ATP2B1: variants seen among roughly 807,000 people sequenced by gnomAD.
The protein encoded by ATP2B1 is plasma membrane calcium-transporting ATPase 1.
In ATP2B1, 14 loss-of-function variants were observed where a neutral mutation model predicts 124.2. That is an observed-to-expected ratio of 0.11 (90% CI 0.07 to 0.18). The LOEUF (loss-of-function observed/expected upper bound fraction) is 0.18. Among genes scored for constraint, ATP2B1 ranks in the 10% least tolerant of loss-of-function variants. ATP2B1 has a pLI of 1.00. For missense variants in ATP2B1, 763 were observed against 1,466.1 expected (o/e 0.52, Z 7.83); for synonymous variants, 449 against 492.4 (o/e 0.91, Z 1.17).
intron 5 of ATP2B1, among the ~76,000 whole-genome samples, chr12:89,632,404 C>T (rs1020381227): frequency 6.6e-6 from 1 of 152,118 alleles, no homozygotes; most frequent in Admixed American, 6.6e-5. Flanking sequence ...TTGATTATTT[C>T]ACTAGTTATT....
chr12:89,672,089 G>A (rs1888066070), intron 1 of ATP2B1, among the ~76,000 whole-genome samples: 1 of 152,118 alleles, frequency 6.6e-6, no homozygotes, highest in Admixed American at 6.6e-5. Context: ...TTCTAATTCT[G>A]ACTCTGCTGT....
At chr12:89,616,759 G>C (rs1229314800) in intron 12 of ATP2B1, 43 bp downstream of exon 12, 1 of 1,561,612 alleles carries the variant, frequency 6.4e-7, no homozygotes, top group Non-Finnish European at 8.8e-7. Flanking sequence ...GTCCTCTATA[G>C]TTATGAGATT....
chr12:89,599,784 A>C (rs918948543), intron 19 of ATP2B1, among the ~76,000 whole-genome samples: 1 of 152,212 alleles, frequency 6.6e-6, no homozygotes, highest in African/African-American at 2.4e-5. Context: ...TTTTTTTAAA[A>C]TGCAACAGTT....
chr12:89,610,263 A>G (rs1292004930), intron 14 of ATP2B1, among the ~76,000 whole-genome samples, 158 bp downstream of exon 14: 2 of 152,226 alleles, frequency 1.3e-5, no homozygotes, highest in Non-Finnish European at 2.9e-5. Context: ...TCACTTAACA[A>G]CACAATTTAC....
rs77394379 is a variant in ATP2B1 at position 89,607,546 on chromosome 12, C to T, written c.2442+2391G>A. Among the ~76,000 whole-genome samples the T allele has an allele frequency of 7.7e-3, 1,168 of 152,206 alleles. 34 individuals carry two copies. Among genetic ancestry groups the T allele is most frequent in the Admixed American group, 0.062 (940 of 15,284 alleles). ...AACACAGTCTCAATATTTGGAGTCC[C>T]GCATTAATCCAAATAAAATTTAAAT... On this transcript the variant is annotated intron_variant, in intron 15 of 20. Coordinates refer to ENST00000428670, the MANE Select transcript of ATP2B1 (RefSeq NM_001366521.1).
At chr12:89,678,103 A>G (rs2136604256) in intron 1 of ATP2B1, among the ~76,000 whole-genome samples, 1 of 151,608 alleles carries the variant, frequency 6.6e-6, no homozygotes, top group Non-Finnish European at 1.5e-5. Flanking sequence ...CTACTTAACA[A>G]AAGATTTTTA....
chr12:89,615,391 A>G (rs547998860), intron 12 of ATP2B1, among the ~76,000 whole-genome samples: 19 of 152,288 alleles, frequency 1.2e-4, no homozygotes, highest in Middle Eastern at 3.4e-3. Context: ...CTATGAGAAC[A>G]GGGACCAAGT....
intron 1 of ATP2B1, among the ~76,000 whole-genome samples, chr12:89,661,757 T>C (rs1471766854): frequency 1.3e-5 from 2 of 152,330 alleles, no homozygotes; most frequent in South Asian, 4.1e-4. Flanking sequence ...TCTTTGTGTG[T>C]GTTTTTTTCT....
rs1036660571 is a variant in ATP2B1, at chr12:89,656,029, G to A, written c.-143C>T. 2.5e-6 allele frequency: 2 copies of A among 807,158 alleles called. No homozygotes were observed. Among genetic ancestry groups the A allele is most frequent in the Admixed American group, 3.1e-5 (1 of 32,048 alleles). 50.0% of individuals were successfully genotyped at this position (807,158 alleles called of 1,614,324 possible). On this transcript the variant is annotated 5_prime_UTR_variant, in exon 2 of 21. Transcript: ENST00000428670. ...TGTATGACTTTGTAAAGCAGCATCA[G>A]CAGCAACATTTCCCAGAGAAGTATC...
At chr12:89,627,853 C>T (rs1881143814) in intron 6 of ATP2B1, 137 bp from the exon 7 acceptor site, 5 of 926,592 alleles carry the variant, frequency 5.4e-6, no homozygotes, top group Non-Finnish European at 6.6e-6. Flanking sequence ...AAACATTTGA[C>T]TTGTGATGAC....
At chr12:89,694,002 T>C (rs1037347492) in intron 1 of ATP2B1, among the ~76,000 whole-genome samples, 5 of 152,186 alleles carry the variant, frequency 3.3e-5, no homozygotes, top group African/African-American at 4.8e-5. Context: ...GCATTCCAGA[T>C]AGCGATTAGT....
intron 20 of ATP2B1, 65 bp downstream of exon 20, chr12:89,599,052 C>T: frequency 6.5e-7 from 1 of 1,548,214 alleles, no homozygotes; most frequent in Non-Finnish European, 8.7e-7. Flanking sequence ...CACACTCGAA[C>T]CTCCTCCCCA....
At chr12:89,674,356 T>C (rs897415796) in intron 1 of ATP2B1, among the ~76,000 whole-genome samples, 7 of 147,900 alleles carry the variant, frequency 4.7e-5, no homozygotes, top group African/African-American at 1.5e-4. Context: ...CCTTTTAGAA[T>C]TGGCAAAAAA....
rs558731899 is a variant in ATP2B1, at chr12:89,642,925, G to GT, written c.209-571dup. Among the ~76,000 whole-genome samples the GT allele has an allele frequency of 6.2e-4, 94 of 151,978 alleles. No homozygotes were observed. The East Asian group carries it at 7.0e-3, about 11-fold the overall frequency. On this transcript the variant is annotated intron_variant, in intron 2 of 20. Transcript: ENST00000428670. ...TGGCCAGAACTGCTTATTTCTGATC[G>GT]TACTATCCTATACCATCTTGTAGAT... is the stretch of plus-strand genomic sequence containing the variant.
rs145992951 is a variant in ATP2B1 at position 89,650,350 on chromosome 12, A to T, written c.208+5329T>A. ...CTGCAAATTTAAGAGACACTGTTCT[A>T]AAGTCAAACTTACACATTCTTTCCC... On this transcript the variant is annotated intron_variant, in intron 2 of 20. Coordinates refer to ENST00000428670, the MANE Select transcript of ATP2B1 (RefSeq NM_001366521.1). 4.5e-3 allele frequency among the ~76,000 whole-genome samples: 690 copies of T among 152,344 alleles called. 2 individuals carry two copies. Among genetic ancestry groups the T allele is most frequent in the African/African-American group, 0.015 (644 of 41,572 alleles).
At chr12:89,636,516 A>G (rs530562563) in intron 3 of ATP2B1, among the ~76,000 whole-genome samples, 1 of 152,314 alleles carries the variant, frequency 6.6e-6, no homozygotes, top group East Asian at 1.9e-4. Context: ...GAAATGTCTG[A>G]AAGCCATTGG....
intron 1 of ATP2B1, among the ~76,000 whole-genome samples, chr12:89,687,818 T>C (rs972853003): frequency 6.6e-6 from 1 of 152,100 alleles, no homozygotes; most frequent in African/African-American, 2.4e-5. Flanking sequence ...AAACAAAATA[T>C]ATTTCATATA....
At chr12:89,650,292 C>T (rs1461493926) in intron 2 of ATP2B1, among the ~76,000 whole-genome samples, 3 of 152,168 alleles carry the variant, frequency 2.0e-5, no homozygotes, top group African/African-American at 7.2e-5. Context: ...ATGATTTTCT[C>T]AATTTCAAAA....
At chr12:89,611,622 G>A (rs1878038143) in intron 12 of ATP2B1, 3 of 337,798 alleles carry the variant, frequency 8.9e-6, no homozygotes, top group African/African-American at 2.1e-5. Flanking sequence ...TTTGTTTGCA[G>A]TATTTATTTA....
Sources: gnomAD v4.1 joint callset for allele counts (sites outside exome capture counted in the v4.1 genomes callset) on GRCh38, gnomAD v4.1.1 for gene constraint, MANE v1.5 for transcripts, NCBI Gene and HGNC (gene_info 2026-07-23, HGNC 2026-07-21) for gene names.